CNTN5: variants seen among roughly 807,000 people sequenced by gnomAD.
The protein encoded by CNTN5 is contactin 5, also known as contactin-5.
Under a neutral mutation model 129.1 loss-of-function variants are expected in CNTN5, and 77 were observed. The ratio of observed to expected loss-of-function variants is 0.60; its 90% confidence interval spans 0.50 to 0.72. CNTN5 has a LOEUF of 0.72. Among genes scored for constraint, CNTN5 ranks in the 30% least tolerant of loss-of-function variants. CNTN5 has a pLI of 0.00. For missense variants in CNTN5, 1,478 were observed against 1,328.8 expected (o/e 1.11, Z -1.75); for synonymous variants, 509 against 465.6 (o/e 1.09, Z -1.20).
At chr11:99,982,354 G>T (rs1938401431) in intron 8 of CNTN5, among the ~76,000 whole-genome samples, 1 of 152,272 alleles carries the variant, frequency 6.6e-6, no homozygotes, top group Non-Finnish European at 1.5e-5. Flanking sequence ...TGATAAAAAT[G>T]CTATTTTAGA....
At chr11:99,777,680 A>G (rs1190084358) in intron 3 of CNTN5, among the ~76,000 whole-genome samples, 3 of 151,860 alleles carry the variant, frequency 2.0e-5, no homozygotes, top group Non-Finnish European at 4.4e-5. Context: ...TGAAAGCTTC[A>G]AATTCCTATT....
At chr11:99,119,360 G>T (rs763357042) in intron 1 of CNTN5, among the ~76,000 whole-genome samples, 24 of 151,964 alleles carry the variant, frequency 1.6e-4, no homozygotes, top group South Asian at 4.2e-4. Flanking sequence ...TCATCATTTG[G>T]CTCCCACTTA....
intron 4 of CNTN5, 103 bp downstream of exon 4, chr11:99,819,868 T>C: frequency 1.3e-6 from 1 of 749,050 alleles, no homozygotes; most frequent in Non-Finnish European, 2.2e-6. Flanking sequence ...TAGGAGAGAG[T>C]GATTGAACTC....
intron 3 of CNTN5, among the ~76,000 whole-genome samples, chr11:99,557,667 C>T (rs746735274): frequency 3.3e-5 from 5 of 151,444 alleles, no homozygotes; most frequent in South Asian, 4.2e-4. Flanking sequence ...TATTACTATT[C>T]GTAATGTACC....
At chr11:99,363,118 T>A (rs1939225298) in intron 2 of CNTN5, among the ~76,000 whole-genome samples, 1 of 152,144 alleles carries the variant, frequency 6.6e-6, no homozygotes, top group Non-Finnish European at 1.5e-5. Context: ...AAGCATTATC[T>A]TCTTAACAAT....
intron 3 of CNTN5, among the ~76,000 whole-genome samples, chr11:99,783,926 T>A (rs1351906291): frequency 1.3e-5 from 2 of 151,682 alleles, no homozygotes; most frequent in African/African-American, 2.4e-5. Context: ...CATATGTAAC[T>A]AACCTGCACA....
At chr11:99,639,998 A>C (rs933377019) in intron 3 of CNTN5, among the ~76,000 whole-genome samples, 4 of 152,214 alleles carry the variant, frequency 2.6e-5, no homozygotes, top group Non-Finnish European at 5.9e-5. Context: ...CTAAAATGTT[A>C]CCAAGATTCA....
chr11:100,023,837 A>C (rs572693203), intron 9 of CNTN5, among the ~76,000 whole-genome samples: 154 of 150,986 alleles, frequency 1.0e-3, no homozygotes, highest in African/African-American at 3.5e-3. Flanking sequence ...ATGGCTTGAT[A>C]GCTAATTTTT....
intron 1 of CNTN5, among the ~76,000 whole-genome samples, chr11:99,032,279 G>C (rs370918429): frequency 1.3e-4 from 19 of 150,938 alleles, no homozygotes; most frequent in Non-Finnish European, 2.5e-4. Context: ...TGGGTATATA[G>C]CCAGTAATGG....
intron 7 of CNTN5, among the ~76,000 whole-genome samples, chr11:99,945,484 CTGT>C (rs200029280): frequency 0.038 from 2,649 of 69,708 alleles, 56 homozygotes; most frequent in Admixed American, 0.13. Context: ...AATAAAACCT[CTGT>C]GCGTGTGTGT....
chr11:99,632,591 G>C (rs1951399994), intron 3 of CNTN5, among the ~76,000 whole-genome samples: 1 of 152,080 alleles, frequency 6.6e-6, no homozygotes, highest in Admixed American at 6.6e-5. Flanking sequence ...CTTGTGGCCT[G>C]AACTCATGGC....
intron 2 of CNTN5, among the ~76,000 whole-genome samples, chr11:99,439,099 A>G (rs754234692): frequency 1.3e-5 from 2 of 152,246 alleles, no homozygotes; most frequent in Non-Finnish European, 2.9e-5. Flanking sequence ...AGGATTACAC[A>G]TATAAGCATT....
rs568867819 is a variant in CNTN5, at chr11:99,103,191, G to C, written c.-210+81921G>C. 1.8e-4 allele frequency among the ~76,000 whole-genome samples: 28 copies of C among 152,260 alleles called. 1 individual carries two copies. The highest frequency in any genetic ancestry group is 6.7e-4 in the African/African-American group (28 of 41,546). On this transcript the variant is annotated intron_variant, in intron 1 of 24. Coordinates refer to ENST00000524871, the MANE Select transcript of CNTN5 (RefSeq NM_014361.4). ...ACAGGTTATCTCCCACAATACATGG[G>C]AATTATGGGAGCTGCAATTCAAGAT...
intron 3 of CNTN5, among the ~76,000 whole-genome samples, chr11:99,639,424 G>T (rs1348550810): frequency 2.0e-5 from 3 of 152,132 alleles, no homozygotes; most frequent in Admixed American, 6.5e-5. Context: ...GCAAATTTTT[G>T]CAGCCAGCTT....
At chr11:99,279,239 T>C (rs532300850) in intron 1 of CNTN5, among the ~76,000 whole-genome samples, 12 of 151,914 alleles carry the variant, frequency 7.9e-5, no homozygotes, top group African/African-American at 2.9e-4. Flanking sequence ...GTTACTGAAC[T>C]CTGAAGTGGA....
intron 4 of CNTN5, among the ~76,000 whole-genome samples, chr11:99,835,761 C>A (rs143016005): frequency 1.3e-5 from 2 of 152,278 alleles, no homozygotes; most frequent in East Asian, 3.9e-4. Context: ...TATAACTGGT[C>A]AAGCTAAATA....
chr11:99,801,987 T>A (rs1190549244), intron 3 of CNTN5, among the ~76,000 whole-genome samples: 1 of 152,236 alleles, frequency 6.6e-6, no homozygotes, highest in East Asian at 1.9e-4. Context: ...TTCCTTCTCA[T>A]CTGGAGATAC....
At chr11:99,465,645 A>T (rs1249999863) in intron 2 of CNTN5, among the ~76,000 whole-genome samples, 1 of 128,480 alleles carries the variant, frequency 7.8e-6, no homozygotes, top group Non-Finnish European at 1.7e-5. Context: ...AATTTTTTTT[A>T]GATAAGCTGT....
At chr11:99,393,439 T>C (rs1402341584) in intron 2 of CNTN5, among the ~76,000 whole-genome samples, 2 of 151,810 alleles carry the variant, frequency 1.3e-5, no homozygotes, top group Non-Finnish European at 3.0e-5. Context: ...ATATTGTTTA[T>C]TCTCACAACT....
Sources: allele counts gnomAD v4.1 joint callset (sites outside exome capture counted in the v4.1 genomes callset), GRCh38; gene constraint gnomAD v4.1.1; transcripts MANE v1.5; gene names NCBI Gene and HGNC (gene_info 2026-07-23, HGNC 2026-07-21).